SLC39A11: variants seen among roughly 807,000 people sequenced by gnomAD.
SLC39A11 encodes zinc transporter ZIP11.
Under a neutral mutation model 36.1 loss-of-function variants are expected in SLC39A11, and 33 were observed. The ratio of observed to expected loss-of-function variants is 0.91; its 90% CI spans 0.69 to 1.22. The LOEUF (loss-of-function observed/expected upper bound fraction) is 1.22. Among genes scored for constraint, SLC39A11 ranks in the 50% most tolerant of loss-of-function variants. SLC39A11 has a pLI of 0.00. For synonymous variants in SLC39A11, 166 were observed against 170.3 expected (o/e 0.97, Z 0.20); for missense variants, 432 against 430.3 (o/e 1.00, Z -0.03).
chr17:72,912,426 A>G (rs1466275817), intron 5 of SLC39A11, among the ~76,000 whole-genome samples: 1 of 151,392 alleles, frequency 6.6e-6, no homozygotes, highest in Non-Finnish European at 1.5e-5. Flanking sequence ...CATTCTTAGG[A>G]CAATATCTTT....
At chr17:72,705,531 G>T (rs2072854218) in intron 7 of SLC39A11, among the ~76,000 whole-genome samples, 1 of 152,208 alleles carries the variant, frequency 6.6e-6, no homozygotes, top group Admixed American at 6.5e-5. Flanking sequence ...TGACAGGCTG[G>T]ATTAAGGGTG....
intron 3 of SLC39A11, among the ~76,000 whole-genome samples, chr17:73,047,966 CAAAAAAAAA>C (rs1165334910): frequency 2.0e-4 from 4 of 20,488 alleles, no homozygotes; most frequent in Admixed American, 7.1e-4. Context: ...GACTCCATCT[CAAAAAAAAA>C]AAAAAAAAAA....
At chr17:73,063,034 C>T (rs2059895060) in intron 3 of SLC39A11, among the ~76,000 whole-genome samples, 1 of 152,120 alleles carries the variant, frequency 6.6e-6, no homozygotes, top group African/African-American at 2.4e-5. Flanking sequence ...TCTTGGGGGC[C>T]TGCTGGGGGT....
At chr17:72,864,093 T>C (rs887002504) in intron 5 of SLC39A11, among the ~76,000 whole-genome samples, 2 of 152,146 alleles carry the variant, frequency 1.3e-5, no homozygotes, top group African/African-American at 4.8e-5. Flanking sequence ...CAAAAGAAAT[T>C]GTTTGCCCAA....
At chr17:72,781,879 T>C (rs1160620489) in intron 6 of SLC39A11, among the ~76,000 whole-genome samples, 4 of 145,756 alleles carry the variant, frequency 2.7e-5, no homozygotes, top group Non-Finnish European at 6.0e-5. Context: ...TTTCCATCCA[T>C]CACCATCCAA....
intron 4 of SLC39A11, 152 bp from the exon 5 acceptor site, chr17:72,948,027 G>T (rs542406743): frequency 2.2e-6 from 2 of 907,656 alleles, no homozygotes; most frequent in Non-Finnish European, 3.3e-6. Context: ...GCCAGGCCAT[G>T]CTGGGTCTTC....
chr17:73,028,713 C>T (rs1333533818), intron 4 of SLC39A11, among the ~76,000 whole-genome samples: 1 of 151,930 alleles, frequency 6.6e-6, no homozygotes, highest in East Asian at 1.9e-4. Flanking sequence ...CATTCACCAG[C>T]TGCTCCCAAA....
chr17:72,922,992 A>AAAAAC, intron 5 of SLC39A11, among the ~76,000 whole-genome samples: 1 of 94,640 alleles, frequency 1.1e-5, no homozygotes, highest in Non-Finnish European at 2.7e-5. Context: ...AAAAAAAAAC[A>AAAAAC]CACAGAAAAT....
intron 5 of SLC39A11, among the ~76,000 whole-genome samples, chr17:72,870,755 G>A (rs2080568417): frequency 6.6e-6 from 1 of 152,218 alleles, no homozygotes; most frequent in South Asian, 2.1e-4. Flanking sequence ...ACTGGAAAAG[G>A]TTTGCCTGCT....
intron 5 of SLC39A11, among the ~76,000 whole-genome samples, chr17:72,888,852 T>C (rs1012866602): frequency 8.6e-5 from 13 of 151,750 alleles, no homozygotes; most frequent in African/African-American, 1.9e-4. Context: ...CAGTGAGCTA[T>C]GATTGTGGCC....
At chr17:72,856,365 G>A (rs912679521) in intron 5 of SLC39A11, among the ~76,000 whole-genome samples, 4 of 152,120 alleles carry the variant, frequency 2.6e-5, no homozygotes, top group Non-Finnish European at 4.4e-5. Context: ...AAAGATGCCT[G>A]CTGCCCAAAT....
chr17:73,026,814 GT>G (rs1291157254), intron 4 of SLC39A11, among the ~76,000 whole-genome samples: 3 of 151,960 alleles, frequency 2.0e-5, no homozygotes, highest in African/African-American at 7.2e-5. Flanking sequence ...AAAAATCACT[GT>G]TTTAAACTGA....
At chr17:72,690,095 C>T (rs1456818685) in intron 7 of SLC39A11, among the ~76,000 whole-genome samples, 1 of 152,110 alleles carries the variant, frequency 6.6e-6, no homozygotes, top group Non-Finnish European at 1.5e-5. Flanking sequence ...GTGTGTGATC[C>T]AGGAGTGACG....
chr17:72,738,895 G>A (rs2144043324), intron 6 of SLC39A11, among the ~76,000 whole-genome samples: 1 of 152,250 alleles, frequency 6.6e-6, no homozygotes, highest in East Asian at 1.9e-4. Flanking sequence ...ACTGACTCCA[G>A]GAGACACCTG....
At chr17:73,059,332 T>G (rs1246088528) in intron 3 of SLC39A11, among the ~76,000 whole-genome samples, 1 of 151,544 alleles carries the variant, frequency 6.6e-6, no homozygotes, top group Non-Finnish European at 1.5e-5. Flanking sequence ...AAATTGAGGT[T>G]AGTAACAGTT....
At chr17:72,959,847 G>A (rs999870082) in intron 4 of SLC39A11, among the ~76,000 whole-genome samples, 25 of 152,172 alleles carry the variant, frequency 1.6e-4, no homozygotes, top group Admixed American at 9.8e-4. Flanking sequence ...AAGAGTCCAT[G>A]TGTACCTCTG....
intron 7 of SLC39A11, among the ~76,000 whole-genome samples, chr17:72,704,842 C>T (rs942800740): frequency 6.6e-6 from 1 of 152,132 alleles, no homozygotes; most frequent in African/African-American, 2.4e-5. Context: ...AGTGATTGGT[C>T]CAAGAGGGAG....
chr17:72,877,126 A>C (rs1175968114), intron 5 of SLC39A11, among the ~76,000 whole-genome samples: 1 of 152,238 alleles, frequency 6.6e-6, no homozygotes, highest in African/African-American at 2.4e-5. Context: ...TCATCTCTAT[A>C]AAGAAGGGCA....
At chr17:72,777,761 T>G (rs2076181788) in intron 6 of SLC39A11, among the ~76,000 whole-genome samples, 2 of 152,168 alleles carry the variant, frequency 1.3e-5, no homozygotes, top group African/African-American at 4.8e-5. Flanking sequence ...ACTGAGTTTG[T>G]GGTACTTTGT....
Sources: gnomAD v4.1 joint callset for allele counts (sites outside exome capture counted in the v4.1 genomes callset) on GRCh38, gnomAD v4.1.1 for gene constraint, MANE v1.5 for transcripts, NCBI Gene and HGNC (gene_info 2026-07-23, HGNC 2026-07-21) for gene names.